The following SPTBN5 variants were observed in gnomAD, a reference collection of about 807,000 sequenced individuals.
SPTBN5 encodes spectrin beta, non-erythrocytic 5, also known as spectrin beta chain, non-erythrocytic 5.
SPTBN5 carries 513 observed loss-of-function variants against 477.6 expected under a neutral mutation model. The ratio of observed to expected loss-of-function variants is 1.07; its 90% CI spans 1.00 to 1.16. SPTBN5 has a LOEUF of 1.16. Among genes scored for constraint, SPTBN5 ranks in the 50% most tolerant of loss-of-function variants. The pLI, the probability that SPTBN5 is intolerant of heterozygous loss-of-function variation, is 0.00. For synonymous variants in SPTBN5, 2,169 were observed against 2,011.7 expected (o/e 1.08, Z -2.09); for missense variants, 5,062 against 4,731.8 (o/e 1.07, Z -2.05).
chr15:41,887,563 G>C, intron 5 of SPTBN5, 122 bp from the exon 6 acceptor site: 1 of 806,312 alleles, frequency 1.2e-6, no homozygotes. Context: ...TCGTTTTCCC[G>C]ACAGTTATCT....
chr15:41,888,579 G>A (rs2067222617), intron 4 of SPTBN5, among the ~76,000 whole-genome samples: 1 of 152,216 alleles, frequency 6.6e-6, no homozygotes, highest in Admixed American at 6.5e-5. Flanking sequence ...TCCTGCCTCA[G>A]CCTCCTGAGT....
chr15:41,871,672 A>G (rs2066541011), intron 28 of SPTBN5, 110 bp downstream of exon 28: 2 of 1,421,446 alleles, frequency 1.4e-6, no homozygotes, highest in South Asian at 3.1e-5. Flanking sequence ...CACCTCAGCC[A>G]GGGCTCACCG....
At chr15:41,875,673 C>T in intron 21 of SPTBN5, 51 bp from the exon 22 acceptor site, 1 of 1,518,616 alleles carries the variant, frequency 6.6e-7, no homozygotes, top group Non-Finnish European at 8.8e-7. Context: ...CTGGTACCAC[C>T]AGTGGCCGCA....
rs767673954 is a variant in SPTBN5, at chr15:41,850,849, C to G, written c.10921+5G>C. ...CCCTCCCCGCATCCTTCCCCTGAAG[C>G]CCACCTGCAGTGCTGCCCAGGGCTC... On this transcript the variant is annotated splice_donor_5th_base_variant and intron_variant, in intron 66 of 67. Coordinates refer to ENST00000320955, the MANE Select transcript of SPTBN5 (RefSeq NM_016642.4). The G allele has an allele frequency of 1.9e-6, 3 of 1,590,006 alleles. No individual in the cohort carries two copies. The highest frequency in any genetic ancestry group is 2.6e-6 in the Non-Finnish European group (3 of 1,169,314).
Position 41,877,277 on chromosome 15 carries a change from TCA to T in SPTBN5, c.3548_3549del (p.Leu1183GlnfsTer121). Reference sequence around the variant, plus strand: ...TCCTGGCCCTGCTGCCCCAGGACCCTCAGAGTGTTGGGCACCTCTTGGGAGTC... The same window carrying T: ...TCCTGGCCCTGCTGCCCCAGGACCCTGAGTGTTGGGCACCTCTTGGGAGTC... ...CPDSQEVPNT[L>X]RVLGQQGQEL... On this transcript the variant is annotated frameshift_variant, in exon 18 of 68. Coordinates refer to ENST00000320955, the MANE Select transcript of SPTBN5 (RefSeq NM_016642.4). LOFTEE classifies it high-confidence loss of function. The T allele has an allele frequency of 6.2e-7, 1 of 1,613,776 alleles. No individual in the cohort carries two copies. Among genetic ancestry groups the T allele is most frequent in the Non-Finnish European group, 8.5e-7 (1 of 1,179,826 alleles).
chr15:41,857,183 T>TG, intron 51 of SPTBN5, 55 bp downstream of exon 51: 1 of 1,541,316 alleles, frequency 6.5e-7, no homozygotes, highest in African/African-American at 1.4e-5. Flanking sequence ...AGGGCAGGGG[T>TG]GGGGGTCCCT....
Position 41,872,463 on chromosome 15 carries a change from T to C in SPTBN5, c.5008-4A>G, listed in dbSNP as rs753327103. ...TGGCTAGTTCCTCCTGTAGAGCCTA[T>C]GATGCATGAGGACCCATGCCAGGCT... On this transcript the variant is annotated splice_region_variant and splice_polypyrimidine_tract_variant and intron_variant, in intron 26 of 67. Coordinates refer to ENST00000320955, the MANE Select transcript of SPTBN5 (RefSeq NM_016642.4). The C allele has an allele frequency of 2.6e-6, 4 of 1,553,156 alleles. No homozygotes were observed. Among genetic ancestry groups the C allele is most frequent in the Non-Finnish European group, 3.5e-6 (4 of 1,148,580 alleles).
At chr15:41,856,337 C>T in intron 53 of SPTBN5, 49 bp downstream of exon 53, 1 of 1,470,538 alleles carries the variant, frequency 6.8e-7, no homozygotes, top group Non-Finnish European at 9.1e-7. Context: ...GCCGCACTCG[C>T]CCTGTGTTCC....
intron 59 of SPTBN5, 106 bp from the exon 60 acceptor site, chr15:41,853,106 T>G: frequency 7.0e-7 from 1 of 1,430,468 alleles, no homozygotes; most frequent in Non-Finnish European, 9.3e-7. Flanking sequence ...GGGAAGGCTG[T>G]GAGACCCGCA....
intron 34 of SPTBN5, 49 bp downstream of exon 34, chr15:41,868,020 A>AAGGAGGAGC: frequency 2.6e-6 from 4 of 1,551,286 alleles, no homozygotes; most frequent in Non-Finnish European, 3.5e-6. Context: ...GGAGAATAGA[A>AAGGAGGAGC]AGGAGGAGCA....
Position 41,849,749 on chromosome 15 carries a change from T to C in SPTBN5, c.11012+120A>G, listed in dbSNP as rs551258538. On this transcript the variant is annotated intron_variant, in intron 67 of 67. Coordinates refer to ENST00000320955, the MANE Select transcript of SPTBN5 (RefSeq NM_016642.4). ...GGGGCAGCTGAGGGTTCCAATAGCA[T>C]TTCCCTACAGCCCAACAGAGTAAGT... 7.8e-6 allele frequency: 6 copies of C among 767,770 alleles called. No individual in the cohort carries two copies. The East Asian group carries it at 1.4e-4, about 17-fold the overall frequency. 47.6% of individuals were successfully genotyped at this position (767,770 alleles called of 1,614,324 possible). A position where few individuals can be genotyped will look rare whatever the true frequency, so the allele number is the denominator to read the frequency against.
In SPTBN5 at chr15:41,876,128, C is replaced by T. The variant is rs1403120485; in HGVS notation, c.4108G>A (p.Glu1370Lys). 2.5e-6 allele frequency: 4 copies of T among 1,601,856 alleles called. No homozygotes were observed. In the East Asian group the frequency reaches 6.7e-5, roughly 27 times the overall value. The change falls in exon 21 of 68, where the codon GAG becomes AAG. Residue 1370 changes from glutamate to lysine, a missense_variant. By Grantham distance (56) the Glu-to-Lys change is moderately conservative (BLOSUM62 1). Coordinates refer to ENST00000320955, the MANE Select transcript of SPTBN5 (RefSeq NM_016642.4). Reference protein sequence around the residue: ...SELLATRRHVEALQQVGRELL... With the variant: ...SELLATRRHVKALQQVGRELL... ...GTGTCCCCCACCTGCTGCAGGGCCTCCACGTGTCTGCGGGTGGCGAGTAGC... is the reference window on the plus strand; with the variant it reads ...GTGTCCCCCACCTGCTGCAGGGCCTTCACGTGTCTGCGGGTGGCGAGTAGC...
At position 41,877,289 on chromosome 15, in the gene SPTBN5, G is replaced by A; in HGVS notation, c.3538C>T (p.Pro1180Ser). The change falls in exon 18 of 68, where the codon CCC (proline) becomes TCC (serine). Residue 1180 changes from proline (P) to serine (S), a missense_variant. Coordinates refer to ENST00000320955, the MANE Select transcript of SPTBN5 (RefSeq NM_016642.4). The stretch of plus-strand genomic sequence containing the variant: ...TGCCCCAGGACCCTCAGAGTGTTGG[G>A]CACCTCTTGGGAGTCTGGGCAGTCC... ...ALDCPDSQEV[P>S]NTLRVLGQQG... 3.1e-6 allele frequency: 5 copies of A among 1,613,486 alleles called. No individual in the cohort carries two copies. Among genetic ancestry groups the A allele is most frequent in the South Asian group, 1.1e-5 (1 of 90,976 alleles).
Position 41,871,825 on chromosome 15 carries a change from G to A in SPTBN5, c.5258C>T (p.Ala1753Val). ...QGWLASQKQA[A>V]KGGESLGEDP... ...CTCTCCCAGGCTCTCCCCTCCTTTGGCTGCCTGCTTCTGGCTTGCCAGCCA... is the reference window on the plus strand; with the variant it reads ...CTCTCCCAGGCTCTCCCCTCCTTTGACTGCCTGCTTCTGGCTTGCCAGCCA... Residue 1753 changes from alanine to valine, a missense_variant, in exon 28 of 68, where the codon GCC (alanine) becomes GTC (valine). Physicochemically the swap from Ala to Val is moderately conservative, Grantham distance 64. Transcript: ENST00000320955. The A allele has an allele frequency of 1.3e-6, 2 of 1,592,180 alleles. No homozygotes were observed. Among genetic ancestry groups the A allele is most frequent in the Non-Finnish European group, 1.7e-6 (2 of 1,169,734 alleles).
chr15:41,851,645 CTGGACAGCA>C (rs1458022032), intron 63 of SPTBN5, 125 bp downstream of exon 63: 36 of 697,804 alleles, frequency 5.2e-5, no homozygotes, highest in Non-Finnish European at 8.3e-5. Context: ...GCCAAACTGC[CTGGACAGCA>C]TGGTGGGGGG....
chr15:41,887,853 G>C, intron 5 of SPTBN5, 75 bp downstream of exon 5: 11 of 1,440,140 alleles, frequency 7.6e-6, no homozygotes, highest in Non-Finnish European at 1.0e-5. Context: ...GTGGGAGAAC[G>C]GGTGGGCTGA....
At chr15:41,890,848 C>G (rs1354413649) in intron 3 of SPTBN5, among the ~76,000 whole-genome samples, 1 of 152,230 alleles carries the variant, frequency 6.6e-6, no homozygotes, top group Admixed American at 6.5e-5. Flanking sequence ...ATGGGTGAGT[C>G]AAGGGGAGAA....
Position 41,893,959 on chromosome 15 carries a change from C to A in SPTBN5, c.-110G>T, listed in dbSNP as rs2067390076. On this transcript the variant is annotated 5_prime_UTR_variant, in exon 1 of 68. Coordinates refer to ENST00000320955, the MANE Select transcript of SPTBN5 (RefSeq NM_016642.4). The stretch of plus-strand genomic sequence containing the variant: ...CTGGACGGATGGAGATGGCAGATAG[C>A]AGGGGCTGTGGAGGGAGGGAGAGGG... The A allele has an allele frequency of 4.9e-6, 1 of 203,688 alleles. No individual in the cohort carries two copies. 12.6% of individuals were successfully genotyped at this position (203,688 alleles called of 1,614,324 possible). A position where few individuals can be genotyped will look rare whatever the true frequency, so the allele number is the denominator to read the frequency against.
At position 41,867,071 on chromosome 15, in the gene SPTBN5, C is replaced by G; in HGVS notation, c.6368G>C (p.Arg2123Pro). ...CCGGCGCTGCAGCAGGATGGGAAGC[C>G]GGTCCCGCACCCGGGGGCGCCGGAG... is the stretch of plus-strand genomic sequence containing the variant. The part of the protein sequence containing the change: ...KTLRRPRVRD[R>P]LPILLQRRMR... Residue 2123 changes from arginine to proline, a missense_variant, in exon 36 of 68, where the codon CGG (arginine) becomes CCG (proline). Transcript: ENST00000320955. The G allele has an allele frequency of 1.9e-6, 3 of 1,548,482 alleles. No individual in the cohort carries two copies. The highest frequency in any genetic ancestry group is 2.6e-6 in the Non-Finnish European group (3 of 1,147,578).
Sources: allele counts gnomAD v4.1 joint callset (sites outside exome capture counted in the v4.1 genomes callset), GRCh38; gene constraint gnomAD v4.1.1; transcripts MANE v1.5; gene names NCBI Gene and HGNC (gene_info 2026-07-23, HGNC 2026-07-21).